ORC1: variants seen among roughly 807,000 people sequenced by gnomAD.
The protein encoded by ORC1 is origin recognition complex, subunit 1 homolog.
Under a neutral mutation model 98.9 loss-of-function variants are expected in ORC1, and 61 were observed. The observed-to-expected ratio is 0.62, with a 90% CI of 0.50 to 0.76. ORC1 has a LOEUF of 0.76. Among genes scored for constraint, ORC1 ranks in the 30% least tolerant of loss-of-function variants. The probability of loss-of-function intolerance (pLI) is 0.00; values close to 1 mark genes in which losing one functional copy is unlikely to be tolerated. For missense variants in ORC1, 979 were observed against 1,072.2 expected (o/e 0.91, Z 1.21); for synonymous variants, 385 against 406.9 (o/e 0.95, Z 0.65).
At chr1:52,408,109 C>T (rs1458686646), upstream of ORC1, among the ~76,000 whole-genome samples, 2 of 149,790 alleles carry the variant, frequency 1.3e-5, no homozygotes, top group East Asian at 2.0e-4. Context: ...GGCATGGTGG[C>T]GGGCGCCTGT....
intron 8 of ORC1, among the ~76,000 whole-genome samples, chr1:52,387,151 C>T (rs1014688328): frequency 1.3e-5 from 2 of 152,084 alleles, no homozygotes; most frequent in African/African-American, 2.4e-5. Context: ...CTGTTAGGAA[C>T]CAGGACACAG....
chr1:52,392,200 G>A (rs1037572238), intron 6 of ORC1, among the ~76,000 whole-genome samples: 7 of 151,500 alleles, frequency 4.6e-5, no homozygotes, highest in South Asian at 2.1e-4. Context: ...CGCGACCTCC[G>A]CTCACTGCAA....
At chr1:52,374,460 C>T (rs571403303) in intron 16 of ORC1, among the ~76,000 whole-genome samples, 1 of 152,302 alleles carries the variant, frequency 6.6e-6, no homozygotes, top group Non-Finnish European at 1.5e-5. Context: ...TGAACTATGC[C>T]CATGCAGGGA....
chr1:52,397,537 T>G, intron 4 of ORC1, 148 bp downstream of exon 4: 1 of 792,720 alleles, frequency 1.3e-6, no homozygotes, highest in Non-Finnish European at 2.2e-6. Flanking sequence ...TCTGTTGAGA[T>G]GAAACAGACA....
At chr1:52,386,742 G>GC (rs1400192990) in intron 8 of ORC1, among the ~76,000 whole-genome samples, 4 of 152,200 alleles carry the variant, frequency 2.6e-5, no homozygotes, top group African/African-American at 9.6e-5. Flanking sequence ...AGGGAGGACT[G>GC]CTTAAACTCA....
upstream of ORC1, among the ~76,000 whole-genome samples, chr1:52,406,112 C>G (rs1373721864): frequency 6.6e-6 from 1 of 152,156 alleles, no homozygotes; most frequent in Non-Finnish European, 1.5e-5. Flanking sequence ...TCTCAGCCTC[C>G]CGAGTAGCTG....
chr1:52,384,634 G>A lies in ORC1; in HGVS notation c.1671C>T (p.Ala557=), dbSNP rs61756137. 7.0e-4 allele frequency: 1,122 copies of A among 1,613,966 alleles called. No homozygotes were observed. The highest frequency in any genetic ancestry group is 8.3e-4 in the Non-Finnish European group (980 of 1,179,876). ...TGTATTGAAAGGGAGGAACATCATT[G>A]GCTTGGGCTGCCTGCTGCAGGCAGC... The part of the protein sequence containing the change: ...VIRCLQQAAQ[A]NDVPPFQYIE... Residue 557 remains alanine (A), a synonymous_variant, in exon 11 of 17, where the codon GCC becomes GCT. Coordinates refer to ENST00000371568, the MANE Select transcript of ORC1 (RefSeq NM_004153.4).
intron 1 of ORC1, among the ~76,000 whole-genome samples, chr1:52,402,541 C>T (rs1337410897): frequency 6.6e-6 from 1 of 152,118 alleles, no homozygotes; most frequent in African/African-American, 2.4e-5. Flanking sequence ...TAAGGCAGAA[C>T]AATAGGTGTA....
chr1:52,388,414 A>C (rs1255810276), intron 8 of ORC1, 28 bp downstream of exon 8: 42 of 1,581,404 alleles, frequency 2.7e-5, no homozygotes, highest in Non-Finnish European at 3.6e-5. Flanking sequence ...GGATGCTTCA[A>C]TGGGAAGTAA....
intron 3 of ORC1, among the ~76,000 whole-genome samples, chr1:52,398,577 CTTTTA>C (rs921463350): frequency 1.5e-4 from 21 of 144,674 alleles, no homozygotes; most frequent in African/African-American, 5.2e-4. Flanking sequence ...CATGTGTTAT[CTTTTA>C]TTTTATTTTA....
chr1:52,399,353 G>A (rs1296851636), intron 3 of ORC1, among the ~76,000 whole-genome samples: 4 of 152,094 alleles, frequency 2.6e-5, no homozygotes, highest in Admixed American at 6.5e-5. Context: ...GTCCAGGTGC[G>A]GCGGCTCACG....
At chr1:52,384,434 G>C (rs1647114340) in intron 11 of ORC1, 116 bp downstream of exon 11, 9 of 945,878 alleles carry the variant, frequency 9.5e-6, no homozygotes, top group Non-Finnish European at 1.5e-5. Flanking sequence ...TCTACAGAAA[G>C]GACAATGCCT....
chr1:52,372,944 T>G lies in ORC1; in HGVS notation c.*237A>C, dbSNP rs1324917831. The G allele has an allele frequency of 1.9e-6, 1 of 521,068 alleles. No individual in the cohort carries two copies. The highest frequency in any genetic ancestry group is 2.0e-5 in the South Asian group (1 of 50,850). 32.3% of individuals were successfully genotyped at this position (521,068 alleles called of 1,614,324 possible). A position where few individuals can be genotyped will look rare whatever the true frequency, so the allele number is the denominator to read the frequency against. On this transcript the variant is annotated 3_prime_UTR_variant, in exon 17 of 17. Transcript: ENST00000371568. ...TTCCAAAATCAGATGCTTTGTAGAC[T>G]AGCTTGGCAACATGGTGAAGCCCTG...
intron 7 of ORC1, 63 bp from the exon 8 acceptor site, chr1:52,388,700 A>T: frequency 7.0e-7 from 1 of 1,420,060 alleles, no homozygotes; most frequent in Non-Finnish European, 9.9e-7. Flanking sequence ...AGAACTCTAT[A>T]ACATTAGTGT....
chr1:52,404,205 C>T (rs983010862), intron 1 of ORC1, 41 bp downstream of exon 1: 10 of 158,550 alleles, frequency 6.3e-5, no homozygotes, highest in Admixed American at 5.5e-4. Flanking sequence ...CCGATGCGCC[C>T]TCCCCCGAGT....
intron 8 of ORC1, 113 bp from the exon 9 acceptor site, chr1:52,386,062 CCT>C (rs1647139681): frequency 3.9e-6 from 3 of 767,170 alleles, no homozygotes; most frequent in African/African-American, 1.7e-5. Context: ...GTGGTGAATT[CCT>C]CTTAGTTCCT....
At chr1:52,375,668 C>T in intron 14 of ORC1, 69 bp from the exon 15 acceptor site, 1 of 1,458,392 alleles carries the variant, frequency 6.9e-7, no homozygotes, top group Non-Finnish European at 9.6e-7. Flanking sequence ...CTTGGTAGTG[C>T]TGGCAATGGA....
In ORC1 at chr1:52,401,456, G is replaced by A. The variant is rs368674629; in HGVS notation, c.129C>T (p.Thr43=). 26 of 1,613,858 alleles carry A rather than the reference G, an allele frequency of 1.6e-5. No individual in the cohort carries two copies. Among genetic ancestry groups the A allele is most frequent in the African/African-American group, 1.2e-4 (9 of 74,964 alleles). Reference sequence around the variant, plus strand: ...ACTGTCCAATCTGGATGTGAATCTCGGTGGAACAACCTTCTGTTTTCACAC... The same window carrying A: ...ACTGTCCAATCTGGATGTGAATCTCAGTGGAACAACCTTCTGTTTTCACAC... The part of the protein sequence containing the change: ...EMCVKTEGCS[T]EIHIQIGQFV... Residue 43 remains threonine, a synonymous_variant, in exon 3 of 17, where the codon ACC becomes ACT. Transcript: ENST00000371568.
Position 52,375,604 on chromosome 1 carries a change from A to G in ORC1, c.2134-5T>C. 6 of 1,613,434 alleles carry G rather than the reference A, an allele frequency of 3.7e-6. No individual in the cohort carries two copies. The highest frequency in any genetic ancestry group is 1.3e-5 in the African/African-American group (1 of 75,030). On this transcript the variant is annotated splice_region_variant and splice_polypyrimidine_tract_variant and intron_variant, in intron 14 of 16. Transcript: ENST00000371568. ...ATCTCCAGACAGTGCTGCTACCTACAAGAGGGAATATTTTATTCCTGAGGC... is the reference window on the plus strand; with the variant it reads ...ATCTCCAGACAGTGCTGCTACCTACGAGAGGGAATATTTTATTCCTGAGGC...
Sources: allele counts gnomAD v4.1 joint callset (sites outside exome capture counted in the v4.1 genomes callset), GRCh38; gene constraint gnomAD v4.1.1; transcripts MANE v1.5; gene names NCBI Gene and HGNC (gene_info 2026-07-23, HGNC 2026-07-21).